RAD18: variants seen among roughly 807,000 people sequenced by gnomAD.
The protein encoded by RAD18 is E3 ubiquitin-protein ligase RAD18.
Under a neutral mutation model 60.4 loss-of-function variants are expected in RAD18, and 47 were observed. The ratio of observed to expected loss-of-function variants is 0.78; its 90% CI spans 0.62 to 0.99. RAD18 has a LOEUF of 0.99. Ranked by LOEUF, RAD18 falls within the 50% of genes least tolerant of loss-of-function variation. The pLI is 0.00. For missense variants in RAD18, 640 were observed against 593.3 expected, an observed-to-expected ratio of 1.08 and a Z score of -0.82; for synonymous variants, 225 against 195.5, an observed-to-expected ratio of 1.15 and a Z score of -1.26.
chr3:8,954,657 A>G (rs76610040), intron 2 of RAD18, among the ~76,000 whole-genome samples: 4,975 of 152,298 alleles, frequency 0.033, 254 homozygotes, highest in East Asian at 0.21. Context: ...TGTAGTGTTT[A>G]TTACTCATAT....
At chr3:8,886,450 TC>T (rs1413963077) in intron 12 of RAD18, among the ~76,000 whole-genome samples, 1 of 152,184 alleles carries the variant, frequency 6.6e-6, no homozygotes, top group Non-Finnish European at 1.5e-5. Flanking sequence ...ACAGTGGTGA[TC>T]CTTATTCATT....
intron 2 of RAD18, among the ~76,000 whole-genome samples, chr3:8,949,795 A>G (rs927117743): frequency 3.9e-5 from 6 of 152,166 alleles, no homozygotes; most frequent in Non-Finnish European, 8.8e-5. Context: ...CCTGAGCTGT[A>G]ATTGACGAAT....
chr3:8,906,863 A>C (rs1187987890), intron 9 of RAD18, among the ~76,000 whole-genome samples: 2 of 150,444 alleles, frequency 1.3e-5, no homozygotes, highest in African/African-American at 4.9e-5. Flanking sequence ...AATATTTTTG[A>C]AATTTCTTGG....
intron 10 of RAD18, 78 bp from the exon 11 acceptor site, chr3:8,899,125 G>T: frequency 1.8e-6 from 2 of 1,133,796 alleles, no homozygotes; most frequent in Non-Finnish European, 2.5e-6. Context: ...ACTTAATACT[G>T]CCATGTGCAC....
At chr3:8,922,858 G>C (rs554239413) in intron 7 of RAD18, among the ~76,000 whole-genome samples, 2 of 152,312 alleles carry the variant, frequency 1.3e-5, no homozygotes, top group Admixed American at 1.3e-4. Flanking sequence ...TGAGGGTCCT[G>C]ACTGTTAGAA....
chr3:8,895,044 T>C (rs1266047541), intron 11 of RAD18, among the ~76,000 whole-genome samples: 2 of 152,050 alleles, frequency 1.3e-5, no homozygotes, highest in African/African-American at 4.8e-5. Flanking sequence ...TGTGAGCCAC[T>C]GTGTCCGGCC....
At chr3:8,917,938 A>G (rs1940235974) in intron 7 of RAD18, among the ~76,000 whole-genome samples, 2 of 152,206 alleles carry the variant, frequency 1.3e-5, no homozygotes, top group Admixed American at 1.3e-4. Context: ...TGTCTCATGT[A>G]AACAGTCATG....
chr3:8,909,159 G>C (rs1236378458), intron 9 of RAD18, among the ~76,000 whole-genome samples: 1 of 152,130 alleles, frequency 6.6e-6, no homozygotes, highest in African/African-American at 2.4e-5. Context: ...TGGTAAAGTA[G>C]GTAAAAGATA....
rs9837074 is a variant in RAD18, at chr3:8,939,657, T to A, written c.605-4A>T. On this transcript the variant is annotated splice_region_variant and splice_polypyrimidine_tract_variant and intron_variant, in intron 5 of 12. Coordinates refer to ENST00000264926, the MANE Select transcript of RAD18 (RefSeq NM_020165.4). ...ACCCCGCAAACAGGACAATCCACTG[T>A]ATTTTTTAAAAAGAAAAAGAGAGAC... 1.5e-4 allele frequency: 245 copies of A among 1,605,008 alleles called. No individual in the cohort carries two copies. The African/African-American group carries it at 3.0e-3, about 20-fold the overall frequency.
intron 7 of RAD18, among the ~76,000 whole-genome samples, chr3:8,927,393 TAA>T (rs1460934344): frequency 2.0e-5 from 3 of 152,120 alleles, no homozygotes; most frequent in Non-Finnish European, 2.9e-5. Context: ...TGGCAGTCAT[TAA>T]AAAGTCAGGA....
chr3:8,925,735 T>C (rs1344983479), intron 7 of RAD18, among the ~76,000 whole-genome samples: 2 of 152,196 alleles, frequency 1.3e-5, no homozygotes, highest in Non-Finnish European at 2.9e-5. Flanking sequence ...GCTTCATCCC[T>C]GGGATGCAAG....
intron 10 of RAD18, 84 bp downstream of exon 10, chr3:8,902,296 G>A (rs2125051084): frequency 7.8e-7 from 1 of 1,283,508 alleles, no homozygotes; most frequent in Non-Finnish European, 1.0e-6. Flanking sequence ...GAACTCCAAA[G>A]TAAATTTCTT....
intron 12 of RAD18, among the ~76,000 whole-genome samples, chr3:8,882,468 A>AAG (rs1291008744): frequency 6.6e-6 from 1 of 152,110 alleles, no homozygotes; most frequent in African/African-American, 2.4e-5. Context: ...GAGGAGGTGG[A>AAG]AGTGCTGAGA....
chr3:8,902,421 T>TTTGTTA lies in RAD18; in HGVS notation c.1121_1126dup (p.Ile374_Thr375dup). Reference sequence around the variant, plus strand: ...TAGCTTTTCTGTAGATTCATCTTCTTTTGTTATTGTTACTGTTTTTTGTGA... The same window carrying TTTGTTA: ...TAGCTTTTCTGTAGATTCATCTTCTTTTGTTATTGTTATTGTTACTGTTTTTTGTGA... On this transcript the variant is annotated inframe_insertion, in exon 10 of 13. Transcript: ENST00000264926. 6.2e-7 allele frequency: 1 copy of TTTGTTA among 1,610,016 alleles called. No homozygotes were observed. The highest frequency in any genetic ancestry group is 8.5e-7 in the Non-Finnish European group (1 of 1,177,524).
At chr3:8,894,855 C>T (rs759235675) in intron 11 of RAD18, among the ~76,000 whole-genome samples, 2 of 150,720 alleles carry the variant, frequency 1.3e-5, no homozygotes, top group Non-Finnish European at 2.9e-5. Flanking sequence ...CCGCCTCCCA[C>T]GTTCAAGCAA....
chr3:8,921,087 A>G (rs1940311504), intron 7 of RAD18, among the ~76,000 whole-genome samples: 1 of 152,236 alleles, frequency 6.6e-6, no homozygotes, highest in African/African-American at 2.4e-5. Context: ...GCAGTTAAAG[A>G]AGAAAATATG....
intron 11 of RAD18, 107 bp downstream of exon 11, chr3:8,898,787 C>A: frequency 1.0e-6 from 1 of 964,306 alleles, no homozygotes; most frequent in Non-Finnish European, 1.5e-6. Context: ...GTAAGAGTGA[C>A]ACACCATGCC....
In RAD18 at chr3:8,898,881, G is replaced by A. The variant is rs1939846271; in HGVS notation, c.1322+13C>T. 3.2e-6 allele frequency: 5 copies of A among 1,542,100 alleles called. No homozygotes were observed. The highest frequency in any genetic ancestry group is 4.4e-6 in the Non-Finnish European group (5 of 1,136,066). On this transcript the variant is annotated intron_variant, in intron 11 of 12. Transcript: ENST00000264926. ...TAGATATTTAAAATAATCAACTACT[G>A]CATGTTTCTTACCTATTGCATGAAT...
At chr3:8,952,815 G>T (rs953789770) in intron 2 of RAD18, among the ~76,000 whole-genome samples, 3 of 152,100 alleles carry the variant, frequency 2.0e-5, no homozygotes, top group African/African-American at 7.2e-5. Context: ...AAAGATAATG[G>T]AACTAATATG....
Sources: gnomAD v4.1 joint callset for allele counts (sites outside exome capture counted in the v4.1 genomes callset) on GRCh38, gnomAD v4.1.1 for gene constraint, MANE v1.5 for transcripts, NCBI Gene and HGNC (gene_info 2026-07-23, HGNC 2026-07-21) for gene names.